Variants in NPAS2 observed in about 807,000 individuals in gnomAD.
NPAS2 encodes the protein neuronal PAS domain protein 2.
A neutral mutation model predicts 107.5 loss-of-function variants in NPAS2; 23 were observed. The observed-to-expected ratio is 0.21, with a 90% CI of 0.15 to 0.30. The LOEUF is 0.30. Ranked by LOEUF, NPAS2 falls within the 10% of genes least tolerant of loss-of-function variation. NPAS2 has a pLI of 1.00. For synonymous variants in NPAS2, 403 were observed against 417.5 expected (o/e 0.97, Z 0.42); for missense variants, 756 against 1,043.3 (o/e 0.72, Z 3.79).
intron 7 of NPAS2, among the ~76,000 whole-genome samples, chr2:100,953,231 C>T (rs972163465): frequency 5.9e-5 from 9 of 151,554 alleles, no homozygotes; most frequent in Non-Finnish European, 1.0e-4. Context: ...AAGAATTAGC[C>T]GAGTGTGGTG....
At position 100,845,881 on chromosome 2, in the gene NPAS2, G is replaced by T. The variant is rs150926818; in HGVS notation, c.-23+25467G>T. Among the ~76,000 whole-genome samples, 6 of 152,260 alleles carry T rather than the reference G, an allele frequency of 3.9e-5. No homozygotes were observed. In the East Asian group the frequency reaches 1.2e-3, roughly 29 times the overall value. ...TGCTCCTGTTCTCAGCTCTCACCTG[G>T]TTCCTCACCATGGCAGAGGGTTTTC... On this transcript the variant is annotated intron_variant, in intron 1 of 20. Transcript: ENST00000335681.
chr2:100,988,958 C>G lies in NPAS2; in HGVS notation c.1827+682C>G. On this transcript the variant is annotated intron_variant, in intron 17 of 20. Transcript: ENST00000335681. The stretch of plus-strand genomic sequence containing the variant: ...CCAGGCCTCCCTGTTCCTCCAGGCG[C>G]CCCCTGCTCCTCCAGGCCCCCCTGC... The G allele has an allele frequency of 3.1e-5, 3 of 96,000 alleles. No individual in the cohort carries two copies. In the South Asian group the frequency reaches 3.5e-4, roughly 11 times the overall value. The allele number at this position is 96,000 out of a possible 1,614,324, so 5.9% of individuals were successfully genotyped here.
intron 7 of NPAS2, among the ~76,000 whole-genome samples, chr2:100,960,679 C>T (rs891766707): frequency 3.9e-5 from 6 of 152,094 alleles, no homozygotes; most frequent in South Asian, 2.1e-4. Flanking sequence ...GCACCTCCCA[C>T]AGCTGGCAGA....
intron 1 of NPAS2, among the ~76,000 whole-genome samples, chr2:100,894,859 C>T (rs555915640): frequency 3.9e-5 from 6 of 152,330 alleles, no homozygotes; most frequent in African/African-American, 1.2e-4. Flanking sequence ...TGGTGAAGTA[C>T]TGCTCTTATG....
intron 1 of NPAS2, among the ~76,000 whole-genome samples, chr2:100,842,143 C>T (rs1009410354): frequency 6.6e-6 from 1 of 151,980 alleles, no homozygotes; most frequent in Non-Finnish European, 1.5e-5. Context: ...GACTGCAGCA[C>T]TGTCTTCCTA....
chr2:100,924,368 T>G (rs1683428936), intron 2 of NPAS2, among the ~76,000 whole-genome samples: 1 of 152,224 alleles, frequency 6.6e-6, no homozygotes, highest in Non-Finnish European at 1.5e-5. Context: ...TTCACTGCCC[T>G]AAAAATCCTC....
At chr2:100,912,417 G>C (rs1682618608) in intron 2 of NPAS2, among the ~76,000 whole-genome samples, 1 of 152,100 alleles carries the variant, frequency 6.6e-6, no homozygotes, top group South Asian at 2.1e-4. Context: ...TGTGTCTTTG[G>C]TTTAGGCATT....
chr2:100,893,378 G>A (rs974014219), intron 1 of NPAS2, among the ~76,000 whole-genome samples: 3 of 152,168 alleles, frequency 2.0e-5, no homozygotes, highest in African/African-American at 7.2e-5. Flanking sequence ...ATTCCAACTT[G>A]TTCTTGTTTT....
At chr2:100,850,953 CAAAA>C (rs148858541) in intron 1 of NPAS2, among the ~76,000 whole-genome samples, 28 of 41,864 alleles carry the variant, frequency 6.7e-4, no homozygotes, top group African/African-American at 2.0e-3. Context: ...AACTCTGTCT[CAAAA>C]AAAAAAAAAA....
chr2:100,886,470 T>C (rs1680707883), intron 1 of NPAS2, among the ~76,000 whole-genome samples: 1 of 152,222 alleles, frequency 6.6e-6, no homozygotes, highest in African/African-American at 2.4e-5. Context: ...CATTTAAATA[T>C]GCCTTTGGAG....
At chr2:100,851,414 T>A (rs1172128763) in intron 1 of NPAS2, among the ~76,000 whole-genome samples, 1 of 152,254 alleles carries the variant, frequency 6.6e-6, no homozygotes, top group East Asian at 1.9e-4. Context: ...TTCTGCAGTA[T>A]ACATCAAGGT....
chr2:100,941,533 A>C (rs1674574912), intron 5 of NPAS2, among the ~76,000 whole-genome samples: 1 of 152,168 alleles, frequency 6.6e-6, no homozygotes, highest in Admixed American at 6.5e-5. Context: ...ACTGCACCTC[A>C]GCCAGGGTGA....
chr2:100,993,525 C>A lies in NPAS2; in HGVS notation c.2290C>A (p.Gln764Lys). 6.5e-7 allele frequency: 1 copy of A among 1,549,898 alleles called. No homozygotes were observed. The highest frequency in any genetic ancestry group is 2.0e-5 in the Admixed American group (1 of 50,596). The change falls in exon 20 of 21, where the codon CAG becomes AAG. Residue 764 changes from glutamine (Q) to lysine (K), a missense_variant and splice_region_variant. Gln to Lys is a moderately conservative substitution (Grantham distance 53). This residue lies in a region of NPAS2 where 496 missense variants were observed against 594.4 expected (regional missense o/e 0.83). Transcript: ENST00000335681. ...ARQQPPQHYL[Q>K]VQAPTSLHSE... ...GCAGCAGCCACCGCAGCACTACCTGCAGGTGGGTGCCACGGCCCAGGGGGC... is the reference window on the plus strand; with the variant it reads ...GCAGCAGCCACCGCAGCACTACCTGAAGGTGGGTGCCACGGCCCAGGGGGC...
chr2:100,925,083 G>T, intron 2 of NPAS2, 63 bp from the exon 3 acceptor site: 2 of 1,527,422 alleles, frequency 1.3e-6, no homozygotes, highest in Non-Finnish European at 1.8e-6. Flanking sequence ...AAGTGCTTTT[G>T]TTTCATCACA....
intron 1 of NPAS2, among the ~76,000 whole-genome samples, chr2:100,873,793 T>G (rs752484781): frequency 6.6e-6 from 1 of 152,208 alleles, no homozygotes; most frequent in East Asian, 1.9e-4. Context: ...ACAAGTAAGC[T>G]CCAAAATCCC....
chr2:100,937,949 G>A (rs1684441498), intron 5 of NPAS2, 107 bp downstream of exon 5: 3 of 918,116 alleles, frequency 3.3e-6, no homozygotes, highest in Non-Finnish European at 5.4e-6. Context: ...GGCTGCAGGT[G>A]AGAAGAGGGC....
At chr2:100,827,602 A>T (rs770672620) in intron 1 of NPAS2, among the ~76,000 whole-genome samples, 1 of 152,106 alleles carries the variant, frequency 6.6e-6, no homozygotes, top group Non-Finnish European at 1.5e-5. Context: ...CAAGTACCCA[A>T]TGTTTAGCTA....
At chr2:100,930,231 GTGTC>G (rs1446711179) in intron 3 of NPAS2, among the ~76,000 whole-genome samples, 1 of 152,116 alleles carries the variant, frequency 6.6e-6, no homozygotes, top group African/African-American at 2.4e-5. Context: ...CTTCTTTAAT[GTGTC>G]TGTCTTCATG....
At chr2:100,937,354 T>C (rs754372207) in intron 4 of NPAS2, among the ~76,000 whole-genome samples, 1 of 152,234 alleles carries the variant, frequency 6.6e-6, no homozygotes, top group Non-Finnish European at 1.5e-5. Flanking sequence ...TGTTTACCAT[T>C]GAACTCAAAG....
Sources: allele counts gnomAD v4.1 joint callset (sites outside exome capture counted in the v4.1 genomes callset), GRCh38; gene constraint gnomAD v4.1.1; regional missense constraint gnomAD v4.1.1; transcripts MANE v1.5; gene names NCBI Gene and HGNC (gene_info 2026-07-23, HGNC 2026-07-21).